The following PRPF8 variants were observed in gnomAD, a reference collection of about 807,000 sequenced individuals.
PRPF8 encodes pre-mRNA processing factor 8, also known as pre-mRNA-processing-splicing factor 8.
PRPF8 carries 64 observed loss-of-function variants against 285.9 expected under a neutral mutation model. That is an observed-to-expected ratio of 0.22 (90% CI 0.18 to 0.28). PRPF8 has a LOEUF of 0.28. Ranked by LOEUF, PRPF8 falls within the 10% of genes least tolerant of loss-of-function variation. PRPF8 has a pLI of 1.00. For synonymous variants in PRPF8, 1,325 were observed against 1,118.2 expected (o/e 1.18, Z -3.69); for missense variants, 1,426 against 3,026.7 (o/e 0.47, Z 12.41).
At position 1,678,564 on chromosome 17, in the gene PRPF8, C is replaced by T. The variant is rs1378204722; in HGVS notation, c.1808G>A (p.Arg603His). The T allele has an allele frequency of 1.2e-6, 2 of 1,614,206 alleles. No individual in the cohort carries two copies. Among genetic ancestry groups the T allele is most frequent in the Non-Finnish European group, 1.7e-6 (2 of 1,180,034 alleles). The change falls in exon 13 of 43, where the codon CGC (arginine) becomes CAC (histidine). Residue 603 changes from arginine (R) to histidine (H), a missense_variant. Physicochemically the swap from Arg to His is conservative, Grantham distance 29 (BLOSUM62 0). Around this residue, in one of 34 missense-constraint regions of PRPF8, gnomAD observed 69 missense variants for 134.7 expected, o/e 0.51. Coordinates refer to ENST00000304992, the MANE Select transcript of PRPF8 (RefSeq NM_006445.4). ...GAGATGCTTCAGGTCCTTGCACATG[C>T]GAATCTGTCGCATCAGCTTGTATTT... is the stretch of plus-strand genomic sequence containing the variant. ...RYKYKLMRQI[R>H]MCKDLKHLIY... is the part of the protein sequence containing the mutation.
chr17:1,684,423 A>C (rs957740967), intron 2 of PRPF8, 49 bp downstream of exon 2: 56 of 1,599,458 alleles, frequency 3.5e-5, no homozygotes, highest in Non-Finnish European at 4.6e-5. Flanking sequence ...GCGCGCGCGC[A>C]CACCCGCCCC....
rs569037239 is a variant in PRPF8, at chr17:1,675,019, C to T, written c.3060+133G>A. The T allele has an allele frequency of 1.9e-4, 202 of 1,048,436 alleles. 1 individual carries two copies. In the South Asian group the frequency reaches 2.1e-3, roughly 11 times the overall value. 64.9% of individuals were successfully genotyped at this position (1,048,436 alleles called of 1,614,324 possible). On this transcript the variant is annotated intron_variant, in intron 20 of 42. Transcript: ENST00000304992. The surrounding 1 kb of genome is among the most constrained non-coding windows in gnomAD (Gnocchi z 6.0). ...CGAACTCCTGACCTCGTGATCTGCC[C>T]GCCTCAGCCTCCCAAAGTGCTGGGA...
In PRPF8 at chr17:1,660,706, G is replaced by A. The variant is rs1465279168; in HGVS notation, c.4630C>T (p.Arg1544Ter). 1.9e-6 allele frequency: 3 copies of A among 1,614,146 alleles called. No individual in the cohort carries two copies. The highest frequency in any genetic ancestry group is 1.7e-6 in the Non-Finnish European group (2 of 1,180,046). Residue 1544 changes from arginine to a stop codon, truncating the protein, a stop_gained, in exon 29 of 43, where the codon CGA becomes TGA. Transcript: ENST00000304992. LOFTEE classifies it high-confidence loss of function. ...FTLWWSPTIN[R>*]ANVYVGFQVQ... ...GTGTCAATCACACTCACATTGGCTC[G>A]ATTAATGGTCGGGGACCACCAGAGG...
At chr17:1,669,796 C>G (rs1912207279) in intron 24 of PRPF8, among the ~76,000 whole-genome samples, 1 of 152,214 alleles carries the variant, frequency 6.6e-6, no homozygotes. Context: ...CAAGACCCGG[C>G]ACCCTCCCAC....
chr17:1,676,475 T>C lies in PRPF8; in HGVS notation c.2388+30A>G, dbSNP rs1392397144. 2 of 1,613,998 alleles carry C rather than the reference T, an allele frequency of 1.2e-6. No homozygotes were observed. Among genetic ancestry groups the C allele is most frequent in the Non-Finnish European group, 1.7e-6 (2 of 1,179,986 alleles). On this transcript the variant is annotated intron_variant, in intron 16 of 42. Coordinates refer to ENST00000304992, the MANE Select transcript of PRPF8 (RefSeq NM_006445.4). The surrounding 1 kb of genome is among the most constrained non-coding windows in gnomAD (Gnocchi z 6.3). ...TCCCTCTTGCCCACTCCCCCACCAC[T>C]CACACCCAGCCCAGCCTACTCTGCC...
Position 1,658,144 on chromosome 17 carries a change from T to G in PRPF8, c.5505+109A>C. 251 of 1,519,108 alleles carry G rather than the reference T, an allele frequency of 1.7e-4. No individual in the cohort carries two copies. Among genetic ancestry groups the G allele is most frequent in the Non-Finnish European group, 2.0e-4 (220 of 1,105,756 alleles). The allele number at this position is 1,519,108 out of a possible 1,614,324, so 94.1% of individuals were successfully genotyped here. On this transcript the variant is annotated intron_variant, in intron 34 of 42. Transcript: ENST00000304992. This position sits in a 1 kb window ranked among gnomAD's most constrained non-coding sequence, Gnocchi z 4.1. ...AAGGTATTTTGGGGATAAGTTCAAA[T>G]GAGATGTTCTCAGCCTTTCATCTAA...
chr17:1,663,438 C>A (rs1911781226), intron 24 of PRPF8, among the ~76,000 whole-genome samples: 2 of 151,984 alleles, frequency 1.3e-5, no homozygotes, highest in South Asian at 4.2e-4. Flanking sequence ...AAAGGCCGGG[C>A]ATGGTGGCTC....
chr17:1,684,430 CCCCGCCTCCGG>C, intron 2 of PRPF8, 31 bp downstream of exon 2: 3 of 1,607,860 alleles, frequency 1.9e-6, no homozygotes, highest in Non-Finnish European at 2.6e-6. Flanking sequence ...CGCACACCCG[CCCCGCCTCCGG>C]CCCGCGCGCC....
rs764248551 is a variant in PRPF8 at position 1,673,586 on chromosome 17, T to C, written c.3447-19A>G. 34 of 1,613,646 alleles carry C rather than the reference T, an allele frequency of 2.1e-5. No individual in the cohort carries two copies. The highest frequency in any genetic ancestry group is 2.2e-5 in the East Asian group (1 of 44,890). ...CCGGCCTCTGCCCACAGAGAACACA[T>C]GGTCACAGCAGTTTCTTGGAAGGAA... On this transcript the variant is annotated intron_variant, in intron 22 of 42. Transcript: ENST00000304992. This position sits in a 1 kb window ranked among gnomAD's most constrained non-coding sequence, Gnocchi z 5.5.
chr17:1,679,599 A>G lies in PRPF8; in HGVS notation c.1289+10T>C, dbSNP rs1912796173. 6.2e-7 allele frequency: 1 copy of G among 1,612,924 alleles called. No homozygotes were observed. The highest frequency in any genetic ancestry group is 2.2e-5 in the East Asian group (1 of 44,900). On this transcript the variant is annotated intron_variant, in intron 9 of 42. Transcript: ENST00000304992. This position sits in a 1 kb window ranked among gnomAD's most constrained non-coding sequence, Gnocchi z 4.7. ...ACTATCATTCCCCCTGCCACAGGGAAAAACCTTACCAGTTCTTGACAAGGG... is the reference window on the plus strand; with the variant it reads ...ACTATCATTCCCCCTGCCACAGGGAGAAACCTTACCAGTTCTTGACAAGGG...
At chr17:1,668,524 A>G (rs11867415) in intron 24 of PRPF8, among the ~76,000 whole-genome samples, 27,857 of 151,378 alleles carry the variant, frequency 0.18, 5,377 homozygotes, top group African/African-American at 0.49. Flanking sequence ...CACGACATCC[A>G]GCTAATTTTT....
chr17:1,652,266 T>G (rs1203500064), intron 39 of PRPF8: 4 of 289,178 alleles, frequency 1.4e-5, no homozygotes, highest in Non-Finnish European at 2.7e-5. Context: ...TGAGATGGAG[T>G]CTCACTCTGT....
intron 24 of PRPF8, among the ~76,000 whole-genome samples, chr17:1,662,448 G>T (rs1911715841): frequency 6.6e-6 from 1 of 152,018 alleles, no homozygotes; most frequent in East Asian, 1.9e-4. Flanking sequence ...AATTAGCCGG[G>T]TGTGGTGGCA....
rs754511795 is a variant in PRPF8, at chr17:1,684,573, T to C, written c.-2A>G. 1 of 1,612,350 alleles carries C rather than the reference T, an allele frequency of 6.2e-7. No individual in the cohort carries two copies. The highest frequency in any genetic ancestry group is 1.1e-5 in the South Asian group (1 of 91,074). ...TCGATAAGGAAACACTCCGGCCATA[T>C]CCGGAGAATCTGGGGAGCGGCGGGA... On this transcript the variant is annotated 5_prime_UTR_variant, in exon 2 of 43. Transcript: ENST00000304992.
intron 1 of PRPF8, 25 bp downstream of exon 1, chr17:1,684,755 C>T (rs1913152011): frequency 1.5e-6 from 1 of 656,998 alleles, no homozygotes; most frequent in African/African-American, 1.8e-5. Context: ...CTCCCGCAGC[C>T]CGGCCTTAAA....
chr17:1,654,175 C>T (rs1004288263), intron 37 of PRPF8, 159 bp from the exon 38 acceptor site: 5 of 1,051,598 alleles, frequency 4.8e-6, no homozygotes, highest in African/African-American at 4.7e-5. Flanking sequence ...CGGAGGTGCA[C>T]TAACACTTCC....
In PRPF8 at chr17:1,656,373, C is replaced by CTCTTCCCGAGGTTCAT; in HGVS notation, c.5793+3_5793+18dup. The CTCTTCCCGAGGTTCAT allele has an allele frequency of 6.2e-7, 1 of 1,614,222 alleles. No individual in the cohort carries two copies. The highest frequency in any genetic ancestry group is 8.5e-7 in the Non-Finnish European group (1 of 1,180,030). ...AACCCGCTCCTCCTCCAGCGATCTT[C>CTCTTCCCGAGGTTCAT]TCTTCCCGAGGTTCATACCGTGTAA... On this transcript the variant is annotated intron_variant, in intron 36 of 42. Coordinates refer to ENST00000304992, the MANE Select transcript of PRPF8 (RefSeq NM_006445.4).
At chr17:1,672,294 T>C (rs1228096573) in intron 24 of PRPF8, among the ~76,000 whole-genome samples, 2 of 152,200 alleles carry the variant, frequency 1.3e-5, no homozygotes, top group Non-Finnish European at 2.9e-5. Context: ...TTGTTTGTAT[T>C]TTGAGATAGA....
chr17:1,664,611 A>G (rs1049284806), intron 24 of PRPF8, among the ~76,000 whole-genome samples: 1 of 151,566 alleles, frequency 6.6e-6, no homozygotes, highest in Non-Finnish European at 1.5e-5. Context: ...GTTTGGGTCC[A>G]ACCTAGGCAA....
Sources: gnomAD v4.1 joint callset for allele counts (sites outside exome capture counted in the v4.1 genomes callset) on GRCh38, gnomAD v4.1.1 for gene constraint, gnomAD v4.1.1 regional missense constraint, Gnocchi (gnomAD v3.1) non-coding constraint, MANE v1.5 for transcripts, NCBI Gene and HGNC (gene_info 2026-07-23, HGNC 2026-07-21) for gene names.